The following ZSWIM9 variants were observed in gnomAD, a reference collection of about 807,000 sequenced individuals.
The protein encoded by ZSWIM9 is uncharacterized protein ZSWIM9.
In ZSWIM9, 11 loss-of-function variants were observed where a neutral mutation model predicts 25.0. The observed-to-expected ratio is 0.44, with a 90% CI of 0.28 to 0.73. The LOEUF (loss-of-function observed/expected upper bound fraction) is 0.73, where lower values mean the gene tolerates loss of function less well. Among genes scored for constraint, ZSWIM9 ranks in the 30% least tolerant of loss-of-function variants. The probability of loss-of-function intolerance (pLI) is 0.16; values close to 1 mark genes in which losing one functional copy is unlikely to be tolerated. For missense variants in ZSWIM9, 1,070 were observed against 1,296.5 expected, an observed-to-expected ratio of 0.83 and a Z score of 2.68; for synonymous variants, 562 against 582.1, an observed-to-expected ratio of 0.97 and a Z score of 0.50.
chr19:48,197,406 G>A lies in ZSWIM9; in HGVS notation c.*579G>A. The A allele has an allele frequency of 7.9e-6, 5 of 631,740 alleles. No individual in the cohort carries two copies. Among genetic ancestry groups the A allele is most frequent in the Admixed American group, 2.5e-5 (1 of 39,538 alleles). 39.1% of individuals were successfully genotyped at this position (631,740 alleles called of 1,614,324 possible). On this transcript the variant is annotated 3_prime_UTR_variant, in exon 4 of 4. Transcript: ENST00000614654. ...GGATGTAGGAGGGGGAAGAAAAATC[G>A]GAGATGAGACAAAAGAAATGTGTGG...
chr19:48,175,178 G>A (rs1018528171), intron 2 of ZSWIM9, among the ~76,000 whole-genome samples: 10 of 152,152 alleles, frequency 6.6e-5, no homozygotes, highest in African/African-American at 2.4e-4. Context: ...CTATGTGCAG[G>A]TACTGTCCCA....
intron 3 of ZSWIM9, among the ~76,000 whole-genome samples, chr19:48,191,092 A>ATGTGTGTGTGTGTGTG (rs940221946): frequency 2.1e-5 from 2 of 96,546 alleles, no homozygotes; most frequent in African/African-American, 5.8e-5. Flanking sequence ...GTGTATGTGT[A>ATGTGTGTGTGTGTGTG]TGTGTGTGTG....
Position 48,195,478 on chromosome 19 carries a change from C to G in ZSWIM9, c.1414C>G (p.Leu472Val). ...AQGENERVRG[L>V]ETGDWGGAPK... The stretch of plus-strand genomic sequence containing the variant: ...GGGGGAGAACGAGAGGGTGAGGGGC[C>G]TGGAGACAGGCGACTGGGGAGGGGC... The change falls in exon 4 of 4, where the codon CTG becomes GTG. Residue 472 changes from leucine (L) to valine (V), a missense_variant. By Grantham distance (32) the Leu-to-Val change is conservative (BLOSUM62 1). Around this residue, in one of 4 missense-constraint regions of ZSWIM9, gnomAD observed 583 missense variants for 624.7 expected, o/e 0.93. Coordinates refer to ENST00000614654, the MANE Select transcript of ZSWIM9 (RefSeq NM_199341.4). This position sits in a 1 kb window ranked among gnomAD's most constrained non-coding sequence, Gnocchi z 5.8. 7.0e-7 allele frequency: 1 copy of G among 1,418,882 alleles called. No individual in the cohort carries two copies. Among genetic ancestry groups the G allele is most frequent in the Non-Finnish European group, 9.1e-7 (1 of 1,093,796 alleles). 87.9% of individuals were successfully genotyped at this position (1,418,882 alleles called of 1,614,324 possible). A position where few individuals can be genotyped will look rare whatever the true frequency, so the allele number is the denominator to read the frequency against.
At chr19:48,187,939 A>AATAGATAGATAGATAGATAG (rs58658973) in intron 3 of ZSWIM9, among the ~76,000 whole-genome samples, 2 of 140,168 alleles carry the variant, frequency 1.4e-5, no homozygotes, top group Admixed American at 1.5e-4. Flanking sequence ...AGACCCTTTA[A>AATAGATAGATAGATAGATAG]ATAGATAGAT....
chr19:48,196,917 C>T lies in ZSWIM9; in HGVS notation c.*90C>T, dbSNP rs1599940802. ...ATAATAGGGCTGAGGCCAAGGAGAC[C>T]GTTGCAGTCCCCCTGGCCACCTTCT... is the stretch of plus-strand genomic sequence containing the variant. On this transcript the variant is annotated 3_prime_UTR_variant, in exon 4 of 4. Transcript: ENST00000614654. 2 of 1,219,248 alleles carry T rather than the reference C, an allele frequency of 1.6e-6. No individual in the cohort carries two copies. Among genetic ancestry groups the T allele is most frequent in the Non-Finnish European group, 2.1e-6 (2 of 963,864 alleles). The allele number at this position is 1,219,248 out of a possible 1,614,324, so 75.5% of individuals were successfully genotyped here. A position where few individuals can be genotyped will look rare whatever the true frequency, so the allele number is the denominator to read the frequency against.
intron 2 of ZSWIM9, 26 bp downstream of exon 2, chr19:48,172,103 G>A: frequency 6.7e-7 from 1 of 1,486,938 alleles, no homozygotes; most frequent in East Asian, 2.5e-5. Flanking sequence ...CCGCTGTCCT[G>A]CTGGGGGGAA....
chr19:48,192,089 T>C (rs1356605609), intron 3 of ZSWIM9: 1 of 154,506 alleles, frequency 6.5e-6, no homozygotes, highest in East Asian at 1.9e-4. Context: ...ACTTCATGTG[T>C]GCTTTGCACA....
Position 48,195,280 on chromosome 19 carries a change from G to C in ZSWIM9, c.1216G>C (p.Val406Leu). 6.5e-7 allele frequency: 1 copy of C among 1,529,760 alleles called. No individual in the cohort carries two copies. Among genetic ancestry groups the C allele is most frequent in the Non-Finnish European group, 8.7e-7 (1 of 1,143,862 alleles). The allele number at this position is 1,529,760 out of a possible 1,614,324, so 94.8% of individuals were successfully genotyped here. The part of the protein sequence containing the change: ...AARDLDACAL[V>L]RGHRRRLLRR... ...CAGAGACCTGGACGCGTGTGCCCTG[G>C]TGCGAGGCCACCGCCGGCGACTGCT... The change falls in exon 4 of 4, where the codon GTG becomes CTG. Residue 406 changes from valine (V) to leucine (L), a missense_variant. Val to Leu is a conservative substitution (Grantham distance 32). Coordinates refer to ENST00000614654, the MANE Select transcript of ZSWIM9 (RefSeq NM_199341.4). This position sits in a 1 kb window ranked among gnomAD's most constrained non-coding sequence, Gnocchi z 5.8.
At chr19:48,187,765 C>G (rs1254364959) in intron 3 of ZSWIM9, 2 of 145,958 alleles carry the variant, frequency 1.4e-5, no homozygotes, top group East Asian at 4.0e-4. Flanking sequence ...TAACGAGCAC[C>G]TGTCTCTACA....
In ZSWIM9 at chr19:48,195,183, C is replaced by T. The variant is rs1236889132; in HGVS notation, c.1119C>T (p.Phe373=). ...TCCACGCCCACGGCCCAGCCGCCTT[C>T]GTGGACTACTTCGAGCGCAACTGGG... The part of the protein sequence containing the change: ...AELHAHGPAA[F]VDYFERNWEP... The change falls in exon 4 of 4, where the codon TTC becomes TTT. Residue 373 remains phenylalanine, a synonymous_variant. Transcript: ENST00000614654. The surrounding 1 kb of genome is among the most constrained non-coding windows in gnomAD (Gnocchi z 5.8). 1.1e-4 allele frequency: 164 copies of T among 1,523,656 alleles called. No individual in the cohort carries two copies. Among genetic ancestry groups the T allele is most frequent in the Non-Finnish European group, 1.3e-4 (147 of 1,140,106 alleles). 94.4% of individuals were successfully genotyped at this position (1,523,656 alleles called of 1,614,324 possible).
Position 48,171,910 on chromosome 19 carries a change from G to C in ZSWIM9, c.108G>C (p.Ala36=). 6.5e-7 allele frequency: 1 copy of C among 1,535,864 alleles called. No homozygotes were observed. Among genetic ancestry groups the C allele is most frequent in the Non-Finnish European group, 8.7e-7 (1 of 1,146,694 alleles). Residue 36 remains alanine (A), a synonymous_variant, in exon 2 of 4, where the codon GCG becomes GCC. Transcript: ENST00000614654. ...CCGAGTTCAGCCGCTTCTTCGACGC[G>C]TGGTGCCAGCAGCGGCTGGCGCTCT... ...SWAEFSRFFD[A]WCQQRLALFF... is the part of the protein sequence containing the mutation.
chr19:48,188,535 C>T (rs1029560309), intron 3 of ZSWIM9, among the ~76,000 whole-genome samples: 6 of 152,006 alleles, frequency 3.9e-5, no homozygotes. Context: ...CCTTTAACAC[C>T]TTTTATCACC....
At chr19:48,191,582 A>G (rs952941109) in intron 3 of ZSWIM9, among the ~76,000 whole-genome samples, 8 of 152,216 alleles carry the variant, frequency 5.3e-5, no homozygotes, top group African/African-American at 1.4e-4. Context: ...TTCTGATCAC[A>G]TGGAAAAGGG....
At chr19:48,171,277 C>G in intron 1 of ZSWIM9, 1 of 985,246 alleles carries the variant, frequency 1.0e-6, no homozygotes, top group Non-Finnish European at 1.2e-6. Context: ...GTGAGGGGTC[C>G]GTGGCCTGGA....
intron 3 of ZSWIM9, among the ~76,000 whole-genome samples, chr19:48,184,445 G>T (rs1454692616): frequency 6.6e-6 from 1 of 152,098 alleles, no homozygotes; most frequent in Admixed American, 6.5e-5. Context: ...AGTAGGGGAA[G>T]AACTGGTTTC....
At position 48,182,373 on chromosome 19, in the gene ZSWIM9, T is replaced by TTA; in HGVS notation, c.276-82_276-81insTA. 1.9e-6 allele frequency: 2 copies of TTA among 1,029,952 alleles called. No homozygotes were observed. Among genetic ancestry groups the TTA allele is most frequent in the Non-Finnish European group, 2.7e-6 (2 of 738,704 alleles). The allele number at this position is 1,029,952 out of a possible 1,614,324, so 63.8% of individuals were successfully genotyped here. A position where few individuals can be genotyped will look rare whatever the true frequency, so the allele number is the denominator to read the frequency against. ...TCTATGCCTGAAACAATTCTTAGTT[T>TTA]AAAAAAAAAAAAAAGGTGAGTGGAA... is the stretch of plus-strand genomic sequence containing the variant. On this transcript the variant is annotated intron_variant, in intron 2 of 3. Coordinates refer to ENST00000614654, the MANE Select transcript of ZSWIM9 (RefSeq NM_199341.4). The surrounding 1 kb of genome is among the most constrained non-coding windows in gnomAD (Gnocchi z 4.6).
chr19:48,195,729 G>C lies in ZSWIM9; in HGVS notation c.1665G>C (p.Glu555Asp), dbSNP rs1192599028. 2 of 1,484,310 alleles carry C rather than the reference G, an allele frequency of 1.3e-6. No individual in the cohort carries two copies. The highest frequency in any genetic ancestry group is 2.8e-5 in the African/African-American group (2 of 70,522). 91.9% of individuals were successfully genotyped at this position (1,484,310 alleles called of 1,614,324 possible). A position where few individuals can be genotyped will look rare whatever the true frequency, so the allele number is the denominator to read the frequency against. The change falls in exon 4 of 4, where the codon GAG becomes GAC. Residue 555 changes from glutamate (E) to aspartate (D), a missense_variant. Coordinates refer to ENST00000614654, the MANE Select transcript of ZSWIM9 (RefSeq NM_199341.4). This position sits in a 1 kb window ranked among gnomAD's most constrained non-coding sequence, Gnocchi z 5.8. Reference sequence around the variant, plus strand: ...AGAAAGGGCACCTGAGAGGGCCAGAGATTAGAGACTGGAGGGGGCCCCAGT... The same window carrying C: ...AGAAAGGGCACCTGAGAGGGCCAGACATTAGAGACTGGAGGGGGCCCCAGT... ...KLEKGHLRGP[E>D]IRDWRGPQLE...
At chr19:48,180,330 T>TC (rs1470454908) in intron 2 of ZSWIM9, among the ~76,000 whole-genome samples, 2 of 151,184 alleles carry the variant, frequency 1.3e-5, no homozygotes, top group African/African-American at 2.4e-5. Context: ...TTCCAATTTT[T>TC]TTTTTTTTTT....
At chr19:48,187,576 T>TA (rs2037043507) in intron 3 of ZSWIM9, 1 of 64,256 alleles carries the variant, frequency 1.6e-5, no homozygotes, top group African/African-American at 5.1e-5. Flanking sequence ...ATATTATATA[T>TA]ATTATATATT....
Sources: allele counts gnomAD v4.1 joint callset (sites outside exome capture counted in the v4.1 genomes callset), GRCh38; gene constraint gnomAD v4.1.1; regional missense constraint gnomAD v4.1.1; non-coding constraint Gnocchi (gnomAD v3.1); transcripts MANE v1.5; gene names NCBI Gene and HGNC (gene_info 2026-07-23, HGNC 2026-07-21).